The following AP4E1 variants were observed in gnomAD, a reference collection of about 807,000 sequenced individuals.
AP4E1 encodes the protein AP-4 complex subunit epsilon-1.
In AP4E1, 56 loss-of-function variants were observed where a neutral mutation model predicts 128.2. The ratio of observed to expected loss-of-function variants is 0.44; its 90% confidence interval spans 0.35 to 0.55. The LOEUF is 0.55. Ranked by LOEUF, AP4E1 falls within the 20% of genes least tolerant of loss-of-function variation. AP4E1 has a pLI of 0.00. For missense variants in AP4E1, 1,324 were observed against 1,307.7 expected (o/e 1.01, Z -0.19); for synonymous variants, 484 against 473.1 (o/e 1.02, Z -0.30).
At chr15:50,986,710 C>G (rs963235322) in intron 16 of AP4E1, among the ~76,000 whole-genome samples, 1 of 152,102 alleles carries the variant, frequency 6.6e-6, no homozygotes, top group African/African-American at 2.4e-5. Flanking sequence ...TTTGGTTTGC[C>G]AGTATTTTAT....
chr15:50,979,590 T>A (rs1206177363), intron 15 of AP4E1, among the ~76,000 whole-genome samples: 3 of 152,178 alleles, frequency 2.0e-5, no homozygotes, highest in African/African-American at 7.2e-5. Flanking sequence ...AGTGGCATGA[T>A]CTCGACTCAC....
chr15:50,927,520 T>TG (rs2063783352), intron 5 of AP4E1, among the ~76,000 whole-genome samples: 2 of 150,066 alleles, frequency 1.3e-5, no homozygotes, highest in Non-Finnish European at 1.5e-5. Context: ...TTCAGAGTTT[T>TG]TTTTTTTTTT....
At chr15:50,924,397 C>T (rs1247395665) in intron 4 of AP4E1, among the ~76,000 whole-genome samples, 2 of 151,696 alleles carry the variant, frequency 1.3e-5, no homozygotes, top group African/African-American at 4.8e-5. Context: ...TTTAAAAAGT[C>T]ATTTAAAAAA....
chr15:50,988,160 C>T (rs1339823515), intron 16 of AP4E1, among the ~76,000 whole-genome samples: 4 of 152,066 alleles, frequency 2.6e-5, no homozygotes, highest in Non-Finnish European at 5.9e-5. Flanking sequence ...CCAGTGAAGG[C>T]CAGATGCCCC....
At chr15:50,944,878 C>A in intron 10 of AP4E1, 1 of 810,366 alleles carries the variant, frequency 1.2e-6, no homozygotes, top group Non-Finnish European at 2.1e-6. Flanking sequence ...AGTTGCTTGG[C>A]AAAGCATCCA....
At chr15:50,947,261 A>G (rs2140856201) in intron 10 of AP4E1, among the ~76,000 whole-genome samples, 1 of 151,754 alleles carries the variant, frequency 6.6e-6, no homozygotes, top group African/African-American at 2.4e-5. Flanking sequence ...ATAAAATACC[A>G]AAAAATTAGC....
intron 13 of AP4E1, among the ~76,000 whole-genome samples, chr15:50,950,852 T>A (rs993579031): frequency 6.6e-6 from 1 of 152,154 alleles, no homozygotes; most frequent in Non-Finnish European, 1.5e-5. Context: ...CTCCCACTTA[T>A]AAGTGAGAAC....
Position 50,978,030 on chromosome 15 carries a change from C to T in AP4E1, c.1967-5992C>T, listed in dbSNP as rs189120850. Among the ~76,000 whole-genome samples the T allele has an allele frequency of 9.2e-5, 14 of 152,228 alleles. No individual in the cohort carries two copies. The East Asian group carries it at 2.7e-3, about 29-fold the overall frequency. On this transcript the variant is annotated intron_variant, in intron 15 of 20. Coordinates refer to ENST00000261842, the MANE Select transcript of AP4E1 (RefSeq NM_007347.5). ...GCCTGTTCTGGTACTAATCTGATTT[C>T]AGATTTCTGTAATCATTTGCAGAGA...
chr15:50,909,696 G>GT (rs1176451996), intron 1 of AP4E1, among the ~76,000 whole-genome samples: 84 of 150,346 alleles, frequency 5.6e-4, no homozygotes, highest in South Asian at 4.9e-3. Context: ...TTTAATTTTT[G>GT]TTTTTTTTTG....
intron 10 of AP4E1, chr15:50,945,166 C>G: frequency 1.2e-6 from 1 of 868,910 alleles, no homozygotes; most frequent in Non-Finnish European, 2.0e-6. Context: ...TGTAAAGAAG[C>G]TGTTTTTGCC....
At chr15:50,954,511 A>G (rs939703555) in intron 13 of AP4E1, among the ~76,000 whole-genome samples, 1 of 152,076 alleles carries the variant, frequency 6.6e-6, no homozygotes, top group African/African-American at 2.4e-5. Context: ...TCTTTGAGTC[A>G]TGGATTATTC....
chr15:50,979,289 A>T (rs2064604409), intron 15 of AP4E1, among the ~76,000 whole-genome samples: 1 of 152,320 alleles, frequency 6.6e-6, no homozygotes, highest in South Asian at 2.1e-4. Context: ...TTGTGATGGT[A>T]TTCAGAGATT....
rs759062012 is a variant in AP4E1, at chr15:50,993,599, C to G, written c.2320C>G (p.Leu774Val). 2 of 1,613,924 alleles carry G rather than the reference C, an allele frequency of 1.2e-6. No homozygotes were observed. The highest frequency in any genetic ancestry group is 1.1e-5 in the South Asian group (1 of 91,062). The change falls in exon 17 of 21, where the codon CTA becomes GTA. Residue 774 changes from leucine to valine, a missense_variant. Transcript: ENST00000261842. Reference sequence around the variant, plus strand: ...GCTGGCATCATCATTATTTGTTGGTCTAGGATCAGAAAGTACAATCAACCT... The same window carrying G: ...GCTGGCATCATCATTATTTGTTGGTGTAGGATCAGAAAGTACAATCAACCT... The part of the protein sequence containing the change: ...QLLASSLFVG[L>V]GSESTINLLG...
At chr15:50,946,566 A>G (rs1435076848) in intron 10 of AP4E1, among the ~76,000 whole-genome samples, 1 of 152,186 alleles carries the variant, frequency 6.6e-6, no homozygotes, top group Non-Finnish European at 1.5e-5. Context: ...CAGCGTTGAA[A>G]AAAAAAATCT....
intron 16 of AP4E1, 69 bp downstream of exon 16, chr15:50,984,214 TTCTGCTCCTGCCTCATA>T: frequency 6.4e-7 from 1 of 1,565,210 alleles, no homozygotes. Context: ...TCCATTTGCC[TTCTGCTCCTGCCTCATA>T]TCATCATGGT....
chr15:50,920,117 T>C (rs2063680420), intron 3 of AP4E1, among the ~76,000 whole-genome samples: 1 of 143,770 alleles, frequency 7.0e-6, no homozygotes, highest in African/African-American at 2.6e-5. Context: ...TGCCTTTTTT[T>C]TTTTTTTTTT....
At chr15:50,922,068 G>T (rs1042816402) in intron 3 of AP4E1, among the ~76,000 whole-genome samples, 1 of 148,032 alleles carries the variant, frequency 6.8e-6, no homozygotes, top group South Asian at 2.1e-4. Context: ...GCTCACTCCT[G>T]TAATCCCAGC....
At chr15:50,926,976 G>A (rs1291036756) in intron 5 of AP4E1, among the ~76,000 whole-genome samples, 1 of 152,144 alleles carries the variant, frequency 6.6e-6, no homozygotes, top group Non-Finnish European at 1.5e-5. Context: ...AACTTCATAG[G>A]TCTTTCAGAC....
intron 16 of AP4E1, 44 bp from the exon 17 acceptor site, chr15:50,993,326 A>G (rs765874914): frequency 1.2e-6 from 2 of 1,607,950 alleles, no homozygotes; most frequent in South Asian, 1.1e-5. Context: ...AGTAACTATT[A>G]GCAGTTATTT....
Sources: gnomAD v4.1 joint callset for allele counts (sites outside exome capture counted in the v4.1 genomes callset) on GRCh38, gnomAD v4.1.1 for gene constraint, MANE v1.5 for transcripts, NCBI Gene and HGNC (gene_info 2026-07-23, HGNC 2026-07-21) for gene names.